PACSIN1: variants seen among roughly 807,000 people sequenced by gnomAD.
The protein encoded by PACSIN1 is protein kinase C and casein kinase substrate in neurons protein 1.
In PACSIN1, 15 loss-of-function variants were observed where a neutral mutation model predicts 59.5. That is an observed-to-expected ratio of 0.25 (90% CI 0.17 to 0.39). PACSIN1 has a LOEUF of 0.39. Ranked by LOEUF, PACSIN1 falls within the 10% of genes least tolerant of loss-of-function variation. The pLI, the probability that PACSIN1 is intolerant of heterozygous loss-of-function variation, is 1.00. For missense variants in PACSIN1, 420 were observed against 580.2 expected (o/e 0.72, Z 2.84); for synonymous variants, 210 against 220.6 (o/e 0.95, Z 0.42).
In PACSIN1 at chr6:34,513,521, C is replaced by A. The variant is rs1430862755; in HGVS notation, c.-63-12722C>A. ...CCCCAGTCCCCACTCTGGTCTCCTG[C>A]CACCCACCACCCACACTGTCCCTCC... On this transcript the variant is annotated intron_variant, in intron 1 of 9. Transcript: ENST00000244458. 2.6e-5 allele frequency among the ~76,000 whole-genome samples: 4 copies of A among 152,216 alleles called. No individual in the cohort carries two copies. In the East Asian group the frequency reaches 5.8e-4, roughly 22 times the overall value.
chr6:34,466,823 C>A (rs1222838866), intron 1 of PACSIN1, among the ~76,000 whole-genome samples: 2 of 152,180 alleles, frequency 1.3e-5, no homozygotes, highest in Non-Finnish European at 2.9e-5. Context: ...CCCGCAGATA[C>A]AGAAGCCATG....
chr6:34,519,438 CA>C (rs1375998670), intron 1 of PACSIN1, among the ~76,000 whole-genome samples: 1 of 152,124 alleles, frequency 6.6e-6, no homozygotes, highest in Admixed American at 6.5e-5. Context: ...TTTTCAGACC[CA>C]AAGAGAAAGC....
chr6:34,508,657 T>G (rs1767152507), intron 1 of PACSIN1, among the ~76,000 whole-genome samples: 1 of 152,196 alleles, frequency 6.6e-6, no homozygotes, highest in African/African-American at 2.4e-5. Context: ...GTGTTCAAAT[T>G]TATCCACATC....
At position 34,521,123 on chromosome 6, in the gene PACSIN1, G is replaced by C. The variant is rs916903747; in HGVS notation, c.-63-5120G>C. Among the ~76,000 whole-genome samples, 1 of 152,318 alleles carries C rather than the reference G, an allele frequency of 6.6e-6. No individual in the cohort carries two copies. Among genetic ancestry groups the C allele is most frequent in the Admixed American group, 6.5e-5 (1 of 15,306 alleles). ...GCAGATAACCAGACAGATAAACACCGCTGACTGGACTAAGTGACATTCCTG... is the reference window on the plus strand; with the variant it reads ...GCAGATAACCAGACAGATAAACACCCCTGACTGGACTAAGTGACATTCCTG... On this transcript the variant is annotated intron_variant, in intron 1 of 9. Transcript: ENST00000244458. The surrounding 1 kb of genome is among the most constrained non-coding windows in gnomAD (Gnocchi z 4.3).
rs1767585116 is a variant in PACSIN1 at position 34,531,047 on chromosome 6, G to A, written c.1037+460G>A. ...AGGCCACGGACTGTCTGCAGCCCCA[G>A]GGTTGGGGACCCCGGTCCAGATCAC... On this transcript the variant is annotated intron_variant, in intron 8 of 9. Transcript: ENST00000244458. This position sits in a 1 kb window ranked among gnomAD's most constrained non-coding sequence, Gnocchi z 4.4. Among the ~76,000 whole-genome samples, 1 of 152,092 alleles carries A rather than the reference G, an allele frequency of 6.6e-6. No homozygotes were observed. Among genetic ancestry groups the A allele is most frequent in the African/African-American group, 2.4e-5 (1 of 41,398 alleles).
intron 1 of PACSIN1, among the ~76,000 whole-genome samples, chr6:34,466,619 G>T (rs1443272537): frequency 6.6e-6 from 1 of 152,228 alleles, no homozygotes; most frequent in Non-Finnish European, 1.5e-5. Flanking sequence ...TACCAGAAGG[G>T]GTGGGTGGGC....
chr6:34,503,275 A>AAAAAAGAAAAAG lies in PACSIN1; in HGVS notation c.-63-22956_-63-22945dup, dbSNP rs56145565. Among the ~76,000 whole-genome samples, 696 of 148,420 alleles carry AAAAAAGAAAAAG rather than the reference A, an allele frequency of 4.7e-3. 2 individuals carry two copies. Among genetic ancestry groups the AAAAAAGAAAAAG allele is most frequent in the Non-Finnish European group, 8.3e-3 (562 of 67,452 alleles). On this transcript the variant is annotated intron_variant, in intron 1 of 9. Coordinates refer to ENST00000244458, the MANE Select transcript of PACSIN1 (RefSeq NM_020804.5). The stretch of plus-strand genomic sequence containing the variant: ...CAGAGCGAGATCCTGTCAAAAAAAA[A>AAAAAAGAAAAAG]AAAAAGAAAAAGAAAAAGAAAAAAA...
intron 1 of PACSIN1, among the ~76,000 whole-genome samples, chr6:34,491,945 C>CT (rs1263978315): frequency 2.6e-5 from 4 of 152,134 alleles, no homozygotes; most frequent in Non-Finnish European, 4.4e-5. Flanking sequence ...CATTGATTCC[C>CT]TTTTTTTGCT....
At position 34,530,993 on chromosome 6, in the gene PACSIN1, A is replaced by G. The variant is rs531346181; in HGVS notation, c.1037+406A>G. Among the ~76,000 whole-genome samples the G allele has an allele frequency of 6.6e-6, 1 of 151,908 alleles. No homozygotes were observed. The highest frequency in any genetic ancestry group is 2.1e-4 in the South Asian group (1 of 4,826). ...GATAATGCTCCCTCGCCTGTCACTC[A>G]CCTCCTGCTGTGCTGCCTGGTTCCT... On this transcript the variant is annotated intron_variant, in intron 8 of 9. Coordinates refer to ENST00000244458, the MANE Select transcript of PACSIN1 (RefSeq NM_020804.5). The surrounding 1 kb of genome is among the most constrained non-coding windows in gnomAD (Gnocchi z 4.4).
chr6:34,491,369 C>T (rs947183704), intron 1 of PACSIN1, among the ~76,000 whole-genome samples: 1 of 152,228 alleles, frequency 6.6e-6, no homozygotes, highest in Non-Finnish European at 1.5e-5. Context: ...GCAGTGCGGT[C>T]CCTTCCCTGC....
chr6:34,527,383 T>C lies in PACSIN1; in HGVS notation c.115T>C (p.Cys39Arg). The change falls in exon 3 of 10, where the codon TGC becomes CGC. Residue 39 changes from cysteine (C) to arginine (R), a missense_variant. Coordinates refer to ENST00000244458, the MANE Select transcript of PACSIN1 (RefSeq NM_020804.5). Reference protein sequence around the residue: ...VKRIDDGHRLCNDLMNCVQER... With the variant: ...VKRIDDGHRLRNDLMNCVQER... ...GCGCATCGATGACGGCCACCGTCTA[T>C]GCAACGACCTGATGAACTGCGTGCA... 6.2e-7 allele frequency: 1 copy of C among 1,600,920 alleles called. No homozygotes were observed. The highest frequency in any genetic ancestry group is 8.5e-7 in the Non-Finnish European group (1 of 1,174,898).
chr6:34,491,529 C>G (rs961609351), intron 1 of PACSIN1, among the ~76,000 whole-genome samples: 4 of 151,936 alleles, frequency 2.6e-5, no homozygotes, highest in African/African-American at 9.7e-5. Flanking sequence ...GCAGGAGGGT[C>G]GCTGCTGGGA....
In PACSIN1 at chr6:34,529,320, G is replaced by T; in HGVS notation, c.457-77G>T. On this transcript the variant is annotated intron_variant, in intron 4 of 9. Coordinates refer to ENST00000244458, the MANE Select transcript of PACSIN1 (RefSeq NM_020804.5). This position sits in a 1 kb window ranked among gnomAD's most constrained non-coding sequence, Gnocchi z 6.3. The stretch of plus-strand genomic sequence containing the variant: ...CTCACAGGTCCCAGGGAGTGGGCAG[G>T]GGAGGAGTTAATGGGTGACCATGTT... 1 of 1,517,580 alleles carries T rather than the reference G, an allele frequency of 6.6e-7. No individual in the cohort carries two copies. Among genetic ancestry groups the T allele is most frequent in the South Asian group, 1.2e-5 (1 of 84,198 alleles). 94.0% of individuals were successfully genotyped at this position (1,517,580 alleles called of 1,614,324 possible). A position where few individuals can be genotyped will look rare whatever the true frequency, so the allele number is the denominator to read the frequency against.
rs1035601433 is a variant in PACSIN1, at chr6:34,514,835, T to C, written c.-63-11408T>C. On this transcript the variant is annotated intron_variant, in intron 1 of 9. Transcript: ENST00000244458. This position sits in a 1 kb window ranked among gnomAD's most constrained non-coding sequence, Gnocchi z 4.4. Reference sequence around the variant, plus strand: ...AAGGAGGCGGGTCGGGATCGGGGAGTGGGGAGGAGGCAGCGGTGGAGGGAG... The same window carrying C: ...AAGGAGGCGGGTCGGGATCGGGGAGCGGGGAGGAGGCAGCGGTGGAGGGAG... 2 of 150,964 alleles carry C rather than the reference T, an allele frequency of 1.3e-5. No homozygotes were observed. The highest frequency in any genetic ancestry group is 1.3e-4 in the Admixed American group (2 of 15,128). The allele number at this position is 150,964 out of a possible 1,614,324, so 9.4% of individuals were successfully genotyped here.
At chr6:34,491,554 C>T (rs1456317811) in intron 1 of PACSIN1, among the ~76,000 whole-genome samples, 1 of 151,920 alleles carries the variant, frequency 6.6e-6, no homozygotes, top group East Asian at 1.9e-4. Context: ...CCCCTTAGAA[C>T]ACCACGTATA....
intron 1 of PACSIN1, among the ~76,000 whole-genome samples, chr6:34,493,862 G>A (rs1484765776): frequency 6.6e-6 from 1 of 152,252 alleles, no homozygotes; most frequent in East Asian, 1.9e-4. Context: ...GGGAGCAGGG[G>A]TAAGCTTCGC....
chr6:34,483,986 G>A (rs1347885058), intron 1 of PACSIN1, among the ~76,000 whole-genome samples: 2 of 152,070 alleles, frequency 1.3e-5, no homozygotes, highest in Non-Finnish European at 1.5e-5. Flanking sequence ...GCTGAGAGAG[G>A]GGACTTGTCC....
At chr6:34,519,144 T>C (rs1238311219) in intron 1 of PACSIN1, among the ~76,000 whole-genome samples, 1 of 152,048 alleles carries the variant, frequency 6.6e-6, no homozygotes, top group Non-Finnish European at 1.5e-5. Context: ...CTGGGGTGCC[T>C]GAGGCTGTGT....
chr6:34,521,037 C>G lies in PACSIN1; in HGVS notation c.-63-5206C>G, dbSNP rs939011255. On this transcript the variant is annotated intron_variant, in intron 1 of 9. Transcript: ENST00000244458. This position sits in a 1 kb window ranked among gnomAD's most constrained non-coding sequence, Gnocchi z 4.3. ...CTTGGCATTTATTCATTCATTCATT[C>G]AACAAAAGTGCACTGCGCACTTACT... is the stretch of plus-strand genomic sequence containing the variant. Among the ~76,000 whole-genome samples the G allele has an allele frequency of 6.6e-6, 1 of 152,202 alleles. No homozygotes were observed. The highest frequency in any genetic ancestry group is 2.4e-5 in the African/African-American group (1 of 41,442).
Sources: allele counts gnomAD v4.1 joint callset (sites outside exome capture counted in the v4.1 genomes callset), GRCh38; gene constraint gnomAD v4.1.1; non-coding constraint Gnocchi (gnomAD v3.1); transcripts MANE v1.5; gene names NCBI Gene and HGNC (gene_info 2026-07-23, HGNC 2026-07-21).